Variants in GLP2R observed in about 807,000 individuals in gnomAD.
The protein encoded by GLP2R is glucagon-like peptide 2 receptor.
Under a neutral mutation model 68.2 loss-of-function variants are expected in GLP2R, and 59 were observed. The ratio of observed to expected loss-of-function variants is 0.87; its 90% CI spans 0.70 to 1.07. The LOEUF is 1.07. Ranked by LOEUF, GLP2R falls within the 50% of genes least tolerant of loss-of-function variation. The pLI is 0.00. For synonymous variants in GLP2R, 270 were observed against 265.4 expected (o/e 1.02, Z -0.17); for missense variants, 548 against 677.4 (o/e 0.81, Z 2.12).
chr17:9,847,525 C>T (rs573799355), intron 4 of GLP2R, among the ~76,000 whole-genome samples: 31 of 152,292 alleles, frequency 2.0e-4, no homozygotes, highest in African/African-American at 5.5e-4. Context: ...GCCTCAGCCT[C>T]CCAAAGTGCT....
At position 9,836,896 on chromosome 17, in the gene GLP2R, C is replaced by T. The variant is rs553967797; in HGVS notation, c.382+421C>T. Among the ~76,000 whole-genome samples, 5 of 152,168 alleles carry T rather than the reference C, an allele frequency of 3.3e-5. No homozygotes were observed. In the East Asian group the frequency reaches 5.8e-4, roughly 18 times the overall value. On this transcript the variant is annotated intron_variant, in intron 3 of 12. Coordinates refer to ENST00000262441, the MANE Select transcript of GLP2R (RefSeq NM_004246.3). ...ATGGAATCTCGCTCTGTCGCCCAGGCTGGAGTGTGGTGGCGCGATCTCAGC... is the reference window on the plus strand; with the variant it reads ...ATGGAATCTCGCTCTGTCGCCCAGGTTGGAGTGTGGTGGCGCGATCTCAGC...
intron 3 of GLP2R, among the ~76,000 whole-genome samples, chr17:9,840,780 G>A (rs2066778916): frequency 2.6e-5 from 4 of 152,202 alleles, no homozygotes; most frequent in Non-Finnish European, 5.9e-5. Context: ...AGGTTTTAGA[G>A]GGAGGGTGTT....
At chr17:9,828,303 C>G (rs1009668678) in intron 1 of GLP2R, among the ~76,000 whole-genome samples, 6 of 152,210 alleles carry the variant, frequency 3.9e-5, no homozygotes, top group Non-Finnish European at 8.8e-5. Flanking sequence ...GAAGGTGGCC[C>G]TGGCCTGCCT....
chr17:9,877,570 G>A (rs1442114040), intron 10 of GLP2R, among the ~76,000 whole-genome samples: 4 of 152,096 alleles, frequency 2.6e-5, no homozygotes, highest in African/African-American at 9.7e-5. Context: ...TTGACAAACG[G>A]GCATGGTTAT....
chr17:9,863,428 A>G (rs2067005227), intron 9 of GLP2R, among the ~76,000 whole-genome samples: 1 of 152,228 alleles, frequency 6.6e-6, no homozygotes, highest in African/African-American at 2.4e-5. Flanking sequence ...GCCTAAAATC[A>G]TAGAGCCAGT....
chr17:9,831,929 T>C (rs763165945), intron 1 of GLP2R, among the ~76,000 whole-genome samples: 3 of 152,198 alleles, frequency 2.0e-5, no homozygotes, highest in Non-Finnish European at 1.5e-5. Flanking sequence ...GAGCCACACT[T>C]GGCATCGTAG....
chr17:9,845,985 A>C (rs1053747699), intron 4 of GLP2R, among the ~76,000 whole-genome samples: 1 of 152,184 alleles, frequency 6.6e-6, no homozygotes, highest in African/African-American at 2.4e-5. Flanking sequence ...GATATGCTTT[A>C]GACATTTAAA....
At position 9,889,734 on chromosome 17, in the gene GLP2R, C is replaced by A. The variant is rs1407471745; in HGVS notation, c.*29C>A. 2.9e-6 allele frequency: 4 copies of A among 1,392,700 alleles called. No homozygotes were observed. Among genetic ancestry groups the A allele is most frequent in the Non-Finnish European group, 3.9e-6 (4 of 1,027,638 alleles). 86.3% of individuals were successfully genotyped at this position (1,392,700 alleles called of 1,614,324 possible). Reference sequence around the variant, plus strand: ...GGAGTTCCACCACCCTGGCTCTGCTCCCAGGGACTCTTGAGGGGGCCCAGG... The same window carrying A: ...GGAGTTCCACCACCCTGGCTCTGCTACCAGGGACTCTTGAGGGGGCCCAGG... On this transcript the variant is annotated 3_prime_UTR_variant, in exon 13 of 13. Transcript: ENST00000262441.
intron 3 of GLP2R, among the ~76,000 whole-genome samples, chr17:9,841,821 A>T (rs2066789937): frequency 6.6e-6 from 1 of 152,034 alleles, no homozygotes; most frequent in South Asian, 2.1e-4. Flanking sequence ...ACAGATTTCG[A>T]CTTCTCGTTT....
At chr17:9,879,244 A>T (rs1289466743) in intron 10 of GLP2R, among the ~76,000 whole-genome samples, 1 of 149,860 alleles carries the variant, frequency 6.7e-6, no homozygotes, top group Non-Finnish European at 1.5e-5. Context: ...ACAACATAAG[A>T]TCCCCTCTCT....
chr17:9,886,393 G>T (rs2067244348), intron 11 of GLP2R, among the ~76,000 whole-genome samples: 1 of 151,552 alleles, frequency 6.6e-6, no homozygotes, highest in Non-Finnish European at 1.5e-5. Context: ...CTAAAACTGT[G>T]AAGCAAGCAC....
chr17:9,839,764 C>A (rs1185953492), intron 3 of GLP2R, among the ~76,000 whole-genome samples: 1 of 152,170 alleles, frequency 6.6e-6, no homozygotes, highest in Non-Finnish European at 1.5e-5. Context: ...TGCACTCCAG[C>A]CCAATGAGCA....
chr17:9,857,974 C>A (rs1215343618), intron 6 of GLP2R, among the ~76,000 whole-genome samples: 1 of 152,218 alleles, frequency 6.6e-6, no homozygotes, highest in Non-Finnish European at 1.5e-5. Flanking sequence ...TGAACATGTA[C>A]AGACTTTTTT....
intron 4 of GLP2R, among the ~76,000 whole-genome samples, chr17:9,844,949 C>T (rs2066824011): frequency 6.6e-6 from 1 of 151,586 alleles, no homozygotes; most frequent in Admixed American, 6.6e-5. Flanking sequence ...CCTTGGCCTC[C>T]CAAAGTGCTG....
intron 9 of GLP2R, among the ~76,000 whole-genome samples, chr17:9,868,917 G>A (rs116510367): frequency 5.3e-5 from 8 of 152,226 alleles, no homozygotes; most frequent in Admixed American, 2.6e-4. Context: ...AGGACACAAC[G>A]TTTTCTCTTT....
intron 2 of GLP2R, chr17:9,834,424 G>A (rs1436046453): frequency 1.8e-5 from 3 of 162,610 alleles, no homozygotes; most frequent in Non-Finnish European, 4.1e-5. Flanking sequence ...GGGGTGGGGG[G>A]CGCGGGTCTC....
At chr17:9,828,390 C>T (rs954190777) in intron 1 of GLP2R, among the ~76,000 whole-genome samples, 1 of 152,214 alleles carries the variant, frequency 6.6e-6, no homozygotes. Flanking sequence ...ATCCTTGCTT[C>T]CATTCTCTGG....
chr17:9,871,937 C>G (rs979864855), intron 10 of GLP2R, among the ~76,000 whole-genome samples: 2 of 152,058 alleles, frequency 1.3e-5, no homozygotes, highest in African/African-American at 4.8e-5. Flanking sequence ...GTTGGCCAGG[C>G]TGATCTCAAA....
intron 4 of GLP2R, among the ~76,000 whole-genome samples, chr17:9,853,752 A>G (rs567443706): frequency 6.6e-6 from 1 of 152,354 alleles, no homozygotes; most frequent in East Asian, 1.9e-4. Context: ...AAAACCTCGG[A>G]CCTATTTAAC....
Sources: allele counts gnomAD v4.1 joint callset (sites outside exome capture counted in the v4.1 genomes callset), GRCh38; gene constraint gnomAD v4.1.1; transcripts MANE v1.5; gene names NCBI Gene and HGNC (gene_info 2026-07-23, HGNC 2026-07-21).